ADGRL4: variants seen among roughly 807,000 people sequenced by gnomAD.
The protein encoded by ADGRL4 is EGF, latrophilin and seven transmembrane domain containing 1.
Under a neutral mutation model 74.8 loss-of-function variants are expected in ADGRL4, and 90 were observed. The observed-to-expected ratio is 1.20, with a 90% CI of 1.02 to 1.43. The LOEUF (loss-of-function observed/expected upper bound fraction) is 1.43. ADGRL4 is among the 40% of genes most tolerant of loss of function. The pLI is 0.00. For synonymous variants in ADGRL4, 311 were observed against 279.2 expected (o/e 1.11, Z -1.14); for missense variants, 881 against 814.3 (o/e 1.08, Z -1.00).
At chr1:78,928,272 C>T (rs547769977) in intron 7 of ADGRL4, among the ~76,000 whole-genome samples, 3 of 151,612 alleles carry the variant, frequency 2.0e-5, no homozygotes, top group African/African-American at 7.3e-5. Flanking sequence ...AGGGGTACCA[C>T]AAAGAATCCT....
Position 78,946,432 on chromosome 1 carries a change from G to A in ADGRL4, c.173-6C>T, listed in dbSNP as rs760519862. On this transcript the variant is annotated splice_region_variant and splice_polypyrimidine_tract_variant and intron_variant, in intron 2 of 14. Coordinates refer to ENST00000370742, the MANE Select transcript of ADGRL4 (RefSeq NM_022159.4). ...ATTTCCACATTCATTATCATCTGTTGGCATATGAATTTAAAAGATTATTTT... is the reference window on the plus strand; with the variant it reads ...ATTTCCACATTCATTATCATCTGTTAGCATATGAATTTAAAAGATTATTTT... The A allele has an allele frequency of 2.5e-6, 4 of 1,592,342 alleles. No individual in the cohort carries two copies. The highest frequency in any genetic ancestry group is 3.4e-6 in the Non-Finnish European group (4 of 1,170,600).
At chr1:78,944,460 T>A (rs1404530796) in intron 3 of ADGRL4, among the ~76,000 whole-genome samples, 4 of 152,220 alleles carry the variant, frequency 2.6e-5, no homozygotes, top group African/African-American at 9.6e-5. Flanking sequence ...CTGGGCAGAA[T>A]ATCATTGATT....
chr1:79,003,322 T>C (rs562001125), intron 2 of ADGRL4, among the ~76,000 whole-genome samples: 1 of 151,744 alleles, frequency 6.6e-6, no homozygotes, highest in African/African-American at 2.4e-5. Flanking sequence ...AAACCACTGT[T>C]TGAACAGTTT....
chr1:78,917,539 C>A lies in ADGRL4; in HGVS notation c.1749+95G>T, dbSNP rs930832252. On this transcript the variant is annotated intron_variant, in intron 12 of 14. Coordinates refer to ENST00000370742, the MANE Select transcript of ADGRL4 (RefSeq NM_022159.4). The stretch of plus-strand genomic sequence containing the variant: ...TGATATACTGTAAAATATTCAAATT[C>A]TTCTTTTTTAGAATAACACCTTATT... 1.1e-5 allele frequency: 8 copies of A among 701,208 alleles called. 1 individual carries two copies. The Admixed American group carries it at 2.4e-4, about 21-fold the overall frequency. The allele number at this position is 701,208 out of a possible 1,614,324, so 43.4% of individuals were successfully genotyped here. A position where few individuals can be genotyped will look rare whatever the true frequency, so the allele number is the denominator to read the frequency against.
intron 2 of ADGRL4, among the ~76,000 whole-genome samples, chr1:78,956,208 A>G (rs960152913): frequency 6.6e-6 from 1 of 152,160 alleles, no homozygotes; most frequent in African/African-American, 2.4e-5. Context: ...ATAAACTAGG[A>G]TATCACTTGT....
intron 7 of ADGRL4, among the ~76,000 whole-genome samples, chr1:78,934,630 G>A (rs985006351): frequency 1.3e-5 from 2 of 151,894 alleles, no homozygotes; most frequent in Admixed American, 1.3e-4. Flanking sequence ...TAAAGAATGG[G>A]AGAAAATTTT....
intron 2 of ADGRL4, among the ~76,000 whole-genome samples, chr1:78,960,541 G>GT (rs1649929095): frequency 6.6e-6 from 1 of 152,140 alleles, no homozygotes; most frequent in South Asian, 2.1e-4. Flanking sequence ...AAGGCATGGA[G>GT]TTACGAGGAA....
intron 12 of ADGRL4, among the ~76,000 whole-genome samples, chr1:78,907,316 A>C (rs1648664234): frequency 6.6e-6 from 1 of 151,994 alleles, no homozygotes; most frequent in Admixed American, 6.6e-5. Context: ...TATTTCTTTA[A>C]ATTTCCATTT....
intron 12 of ADGRL4, among the ~76,000 whole-genome samples, chr1:78,912,772 TA>T (rs1294452634): frequency 1.3e-5 from 2 of 151,364 alleles, no homozygotes; most frequent in East Asian, 1.9e-4. Context: ...CCCTACACTT[TA>T]AAAAAAATTG....
chr1:78,929,899 C>T (rs1367694265), intron 7 of ADGRL4, among the ~76,000 whole-genome samples: 1 of 151,372 alleles, frequency 6.6e-6, no homozygotes, highest in Non-Finnish European at 1.5e-5. Flanking sequence ...TGTCTTTTTT[C>T]CAACTTCCAA....
intron 2 of ADGRL4, among the ~76,000 whole-genome samples, chr1:78,982,946 G>A (rs1650425295): frequency 6.6e-6 from 1 of 151,800 alleles, no homozygotes; most frequent in Non-Finnish European, 1.5e-5. Context: ...GCCCTTAAAA[G>A]GGTCCTCATC....
chr1:79,000,669 AT>A (rs5775472), intron 2 of ADGRL4, among the ~76,000 whole-genome samples: 41,579 of 152,002 alleles, frequency 0.27, 5,714 homozygotes, highest in Non-Finnish European at 0.29. Context: ...AAGAGGTCAT[AT>A]TTCTAGTACA....
At chr1:78,944,720 T>C (rs1442519759) in intron 3 of ADGRL4, among the ~76,000 whole-genome samples, 1 of 152,220 alleles carries the variant, frequency 6.6e-6, no homozygotes, top group Non-Finnish European at 1.5e-5. Context: ...GAGTGTAGCC[T>C]TACCTTTATC....
intron 2 of ADGRL4, among the ~76,000 whole-genome samples, chr1:78,978,071 C>G (rs1387240809): frequency 6.6e-6 from 1 of 151,852 alleles, no homozygotes; most frequent in Admixed American, 6.6e-5. Context: ...CCTCCTTTAC[C>G]TTGGTCATGT....
At chr1:78,902,351 C>T (rs1415717384) in intron 12 of ADGRL4, among the ~76,000 whole-genome samples, 1 of 152,180 alleles carries the variant, frequency 6.6e-6, no homozygotes, top group African/African-American at 2.4e-5. Flanking sequence ...TTAACCCTCT[C>T]ACCAAGTTAA....
intron 2 of ADGRL4, among the ~76,000 whole-genome samples, chr1:78,985,354 C>T (rs984689799): frequency 1.3e-5 from 2 of 151,630 alleles, no homozygotes; most frequent in Admixed American, 1.3e-4. Flanking sequence ...TGATGATTTG[C>T]TTTTTCCCTT....
chr1:78,941,146 T>G (rs1649470624), intron 3 of ADGRL4, among the ~76,000 whole-genome samples: 1 of 152,104 alleles, frequency 6.6e-6, no homozygotes, highest in African/African-American at 2.4e-5. Context: ...TCCACAGAAA[T>G]GAATTAACAG....
intron 2 of ADGRL4, among the ~76,000 whole-genome samples, chr1:78,987,645 T>A (rs1376406184): frequency 6.6e-6 from 1 of 151,818 alleles, no homozygotes; most frequent in Non-Finnish European, 1.5e-5. Context: ...ATTGGAACAC[T>A]AATAGTTAGG....
At chr1:78,931,632 T>C (rs1649244315) in intron 7 of ADGRL4, among the ~76,000 whole-genome samples, 2 of 151,228 alleles carry the variant, frequency 1.3e-5, no homozygotes, top group South Asian at 2.1e-4. Flanking sequence ...AGGCACAGAC[T>C]GGCAAATTGG....
Sources: gnomAD v4.1 joint callset for allele counts (sites outside exome capture counted in the v4.1 genomes callset) on GRCh38, gnomAD v4.1.1 for gene constraint, MANE v1.5 for transcripts, NCBI Gene and HGNC (gene_info 2026-07-23, HGNC 2026-07-21) for gene names.